Variants in KIF21B observed in about 807,000 individuals in gnomAD.
The protein encoded by KIF21B is kinesin-like protein KIF21B.
Under a neutral mutation model 192.9 loss-of-function variants are expected in KIF21B, and 85 were observed. That is an observed-to-expected ratio of 0.44 (90% CI 0.37 to 0.53). The LOEUF is 0.53. KIF21B is among the 20% of genes least tolerant of loss of function. The pLI is 0.00. For synonymous variants in KIF21B, 832 were observed against 884.6 expected (o/e 0.94, Z 1.05); for missense variants, 1,716 against 2,194.8 (o/e 0.78, Z 4.36).
Position 200,990,811 on chromosome 1 carries a change from G to A in KIF21B, c.2688-88C>T, listed in dbSNP as rs1247968952. On this transcript the variant is annotated intron_variant, in intron 18 of 34. Transcript: ENST00000461742. The surrounding 1 kb of genome is among the most constrained non-coding windows in gnomAD (Gnocchi z 5.4). ...CCCCCATCTGGAGCTGACAGCCACG[G>A]GGACCCGGAGCACTCCCCAGAGCTT... is the stretch of plus-strand genomic sequence containing the variant. The A allele has an allele frequency of 9.4e-6, 15 of 1,593,632 alleles. No individual in the cohort carries two copies. Among genetic ancestry groups the A allele is most frequent in the Middle Eastern group, 3.3e-4 (2 of 6,020 alleles).
At chr1:200,973,724 T>C (rs1571903717) in intron 34 of KIF21B, 146 bp from the exon 35 acceptor site, 1 of 1,478,370 alleles carries the variant, frequency 6.8e-7, no homozygotes, top group Non-Finnish European at 8.9e-7. Flanking sequence ...TACGGGGAGG[T>C]GGACTGCAGG....
chr1:201,002,973 T>A (rs1315081861), intron 8 of KIF21B: 1 of 157,996 alleles, frequency 6.3e-6, no homozygotes, highest in Non-Finnish European at 1.4e-5. Flanking sequence ...CTTAGTCACA[T>A]AGAATTAGAC....
intron 26 of KIF21B, 98 bp downstream of exon 26, chr1:200,986,746 G>T: frequency 9.1e-7 from 1 of 1,097,994 alleles, no homozygotes; most frequent in Non-Finnish European, 1.3e-6. Context: ...GTTACACTGT[G>T]TACAAGATGA....
rs182647365 is a variant in KIF21B at position 201,019,727 on chromosome 1, A to G, written c.41+3616T>C. ...CCACCACCAAGATTCTCAGGTCTCC[A>G]CACAGCCCACATGAGGCCCTGTATG... On this transcript the variant is annotated intron_variant, in intron 1 of 34. Transcript: ENST00000461742. 2.6e-5 allele frequency among the ~76,000 whole-genome samples: 4 copies of G among 152,210 alleles called. No homozygotes were observed. In the East Asian group the frequency reaches 5.8e-4, roughly 22 times the overall value.
chr1:201,018,181 C>T (rs116750891), intron 1 of KIF21B, among the ~76,000 whole-genome samples: 21 of 152,308 alleles, frequency 1.4e-4, no homozygotes, highest in African/African-American at 4.6e-4. Context: ...CATGGGGTTC[C>T]GCCCTTTGGT....
intron 24 of KIF21B, 148 bp from the exon 25 acceptor site, chr1:200,987,349 C>T: frequency 1.5e-6 from 1 of 677,638 alleles, no homozygotes; most frequent in Non-Finnish European, 2.5e-6. Context: ...ATGCGATCCC[C>T]TCACCTCAGC....
intron 2 of KIF21B, 49 bp from the exon 3 acceptor site, chr1:201,009,000 C>G: frequency 2.6e-6 from 4 of 1,550,234 alleles, no homozygotes; most frequent in Non-Finnish European, 3.5e-6. Flanking sequence ...TTTGGGGGCA[C>G]CAGCAAGCCC....
intron 27 of KIF21B, among the ~76,000 whole-genome samples, chr1:200,983,778 T>C (rs921530690): frequency 6.6e-6 from 1 of 151,824 alleles, no homozygotes; most frequent in Non-Finnish European, 1.5e-5. Flanking sequence ...GATCCATGGC[T>C]CCCCCCACAG....
At chr1:200,980,240 A>ATG (rs1466229697) in intron 29 of KIF21B, among the ~76,000 whole-genome samples, 2 of 152,158 alleles carry the variant, frequency 1.3e-5, no homozygotes, top group Admixed American at 6.6e-5. Context: ...GAATGAATGA[A>ATG]AGAGTAAATA....
At chr1:200,993,408 C>A (rs1011380457) in intron 15 of KIF21B, among the ~76,000 whole-genome samples, 1 of 152,170 alleles carries the variant, frequency 6.6e-6, no homozygotes, top group African/African-American at 2.4e-5. Flanking sequence ...TCGAACATCA[C>A]CAGGAATGTC....
rs1010673129 is a variant in KIF21B, at chr1:200,989,810, G to T, written c.3132+132C>A. On this transcript the variant is annotated intron_variant, in intron 21 of 34. Coordinates refer to ENST00000461742, the MANE Select transcript of KIF21B (RefSeq NM_001252102.2). ...ACAGCTGTGGCATGGGAGGTGCAGA[G>T]GTTAGGCGGCTTGTCCTAGCCTGTG... 24 of 666,164 alleles carry T rather than the reference G, an allele frequency of 3.6e-5. No individual in the cohort carries two copies. In the East Asian group the frequency reaches 5.1e-4, roughly 14 times the overall value. 41.3% of individuals were successfully genotyped at this position (666,164 alleles called of 1,614,324 possible).
chr1:200,989,711 C>CACCCAGA (rs1656551196), intron 21 of KIF21B, among the ~76,000 whole-genome samples: 1 of 152,210 alleles, frequency 6.6e-6, no homozygotes, highest in Non-Finnish European at 1.5e-5. Flanking sequence ...TGCCAGGCCA[C>CACCCAGA]GTCCCTTACA....
chr1:201,004,452 C>T lies in KIF21B; in HGVS notation c.904G>A (p.Ala302Thr). 6.4e-7 allele frequency: 1 copy of T among 1,569,560 alleles called. No homozygotes were observed. The highest frequency in any genetic ancestry group is 1.3e-5 in the African/African-American group (1 of 74,418). Residue 302 changes from alanine to threonine, a missense_variant, in exon 7 of 35, where the codon GCC (alanine) becomes ACC (threonine). By Grantham distance (58) the Ala-to-Thr change is moderately conservative. Coordinates refer to ENST00000461742, the MANE Select transcript of KIF21B (RefSeq NM_001252102.2). ...EGISINCGLLALGNVISALGD... is the reference protein window; with the variant it reads ...EGISINCGLLTLGNVISALGD... ...AAGGCGCTGATCACATTGCCCAAGG[C>T]CAGCTGTGGGAGACAGACCCTGGCA...
chr1:200,984,653 A>G (rs796518914), intron 27 of KIF21B, among the ~76,000 whole-genome samples: 22 of 152,308 alleles, frequency 1.4e-4, no homozygotes, highest in African/African-American at 4.8e-4. Context: ...AGGTCCTGGC[A>G]TTCTCAGGGG....
In KIF21B at chr1:200,970,976, G is replaced by A. The variant is rs570861631; in HGVS notation, c.*2545C>T. The A allele has an allele frequency of 6.5e-6, 1 of 152,910 alleles. No homozygotes were observed. The highest frequency in any genetic ancestry group is 1.9e-4 in the East Asian group (1 of 5,310). 9.5% of individuals were successfully genotyped at this position (152,910 alleles called of 1,614,324 possible). On this transcript the variant is annotated 3_prime_UTR_variant, in exon 35 of 35. Transcript: ENST00000461742. The stretch of plus-strand genomic sequence containing the variant: ...AGGGCAGCCCCCTGTCCCAGACACA[G>A]GCACCCCCAATCTCACTTTGGACAG...
intron 21 of KIF21B, 73 bp from the exon 22 acceptor site, chr1:200,989,004 C>A: frequency 7.0e-7 from 1 of 1,433,556 alleles, no homozygotes; most frequent in Non-Finnish European, 9.4e-7. Context: ...ACAACCTGCA[C>A]CCCTCAAGAC....
intron 32 of KIF21B, among the ~76,000 whole-genome samples, chr1:200,976,322 C>A (rs541525327): frequency 6.6e-6 from 1 of 152,166 alleles, no homozygotes; most frequent in Non-Finnish European, 1.5e-5. Context: ...AAACTCCTGA[C>A]CTCAAGTGAT....
chr1:200,988,966 C>A, intron 21 of KIF21B, 35 bp from the exon 22 acceptor site: 2 of 1,578,450 alleles, frequency 1.3e-6, no homozygotes, highest in Non-Finnish European at 1.7e-6. Context: ...AGTTACCCCT[C>A]CTGGGGGTTG....
intron 31 of KIF21B, 129 bp downstream of exon 31, chr1:200,977,083 C>T: frequency 1.7e-6 from 2 of 1,170,088 alleles, no homozygotes; most frequent in Non-Finnish European, 2.4e-6. Context: ...GGCACAGGCC[C>T]AGCAGCATGG....
Sources: allele counts gnomAD v4.1 joint callset (sites outside exome capture counted in the v4.1 genomes callset), GRCh38; gene constraint gnomAD v4.1.1; non-coding constraint Gnocchi (gnomAD v3.1); transcripts MANE v1.5; gene names NCBI Gene and HGNC (gene_info 2026-07-23, HGNC 2026-07-21).